Variants in CCDC110 observed in about 807,000 individuals in gnomAD.
The protein encoded by CCDC110 is coiled-coil domain-containing protein 110.
CCDC110 carries 70 observed loss-of-function variants against 77.1 expected under a neutral mutation model. That is an observed-to-expected ratio of 0.91 (90% CI 0.75 to 1.11). CCDC110 has a LOEUF of 1.11. Among genes scored for constraint, CCDC110 ranks in the 50% least tolerant of loss-of-function variants. CCDC110 has a pLI of 0.00. For missense variants in CCDC110, 868 were observed against 942.9 expected, an observed-to-expected ratio of 0.92 and a Z score of 1.04; for synonymous variants, 295 against 312.5, an observed-to-expected ratio of 0.94 and a Z score of 0.59.
chr4:185,462,527 G>C, intron 4 of CCDC110, 116 bp downstream of exon 4: 1 of 748,352 alleles, frequency 1.3e-6, no homozygotes, highest in Non-Finnish European at 2.3e-6. Flanking sequence ...ATATGCTGTG[G>C]CCTCTATTAT....
chr4:185,445,390 T>A lies in CCDC110; in HGVS notation c.*112A>T, dbSNP rs1332572262. ...GTGCATAATTTTTAAAGCAAATATA[T>A]AGCGCCTCATTATGAGTCATTTGAG... is the stretch of plus-strand genomic sequence containing the variant. On this transcript the variant is annotated 3_prime_UTR_variant, in exon 7 of 7. Transcript: ENST00000307588. 4 of 839,136 alleles carry A rather than the reference T, an allele frequency of 4.8e-6. No individual in the cohort carries two copies. In the East Asian group the frequency reaches 9.8e-5, roughly 21 times the overall value. 52.0% of individuals were successfully genotyped at this position (839,136 alleles called of 1,614,324 possible).
In CCDC110 at chr4:185,459,422, T is replaced by C. The variant is rs746135040; in HGVS notation, c.1165A>G (p.Lys389Glu). 6.2e-7 allele frequency: 1 copy of C among 1,612,710 alleles called. No homozygotes were observed. Among genetic ancestry groups the C allele is most frequent in the South Asian group, 1.1e-5 (1 of 90,854 alleles). Residue 389 changes from lysine to glutamate, a missense_variant, in exon 6 of 7, where the codon AAA becomes GAA. Coordinates refer to ENST00000307588, the MANE Select transcript of CCDC110 (RefSeq NM_152775.4). The part of the protein sequence containing the change: ...RYTLSFLDQT[K>E]HEMKDKERQP... The stretch of plus-strand genomic sequence containing the variant: ...CTTTCTTTGTCTTTCATTTCATGTT[T>C]TGTTTGGTCGAGGAAGGACAGTGTG...
chr4:185,460,674 G>A (rs11132307), intron 5 of CCDC110, among the ~76,000 whole-genome samples: 69,074 of 151,962 alleles, frequency 0.45, 16,521 homozygotes, highest in Middle Eastern at 0.57. Context: ...GGAAGTGTGA[G>A]TTCGAGTCAG....
Position 185,460,028 on chromosome 4 carries a change from G to C in CCDC110, c.559C>G (p.Pro187Ala), listed in dbSNP as rs144333334. Residue 187 changes from proline (P) to alanine (A), a missense_variant, in exon 6 of 7, where the codon CCT (proline) becomes GCT (alanine). Physicochemically the swap from Pro to Ala is conservative, Grantham distance 27 (BLOSUM62 -1). Coordinates refer to ENST00000307588, the MANE Select transcript of CCDC110 (RefSeq NM_152775.4). ...DNLSSNIIIHPSENSDILKNY... is the reference protein window; with the variant it reads ...DNLSSNIIIHASENSDILKNY... ...TTCAAGATGTCAGAATTTTCTGAAG[G>C]GTGTATAATTATGTTTGAAGATAAA... is the stretch of plus-strand genomic sequence containing the variant. 6.2e-7 allele frequency: 1 copy of C among 1,612,922 alleles called. No individual in the cohort carries two copies. The highest frequency in any genetic ancestry group is 8.5e-7 in the Non-Finnish European group (1 of 1,179,292).
rs558790135 is a variant in CCDC110 at position 185,464,038 on chromosome 4, A to C, written c.116-989T>G. Reference sequence around the variant, plus strand: ...AGGGGGAGACTCTATCATGTTTGCAAATGCCCTTATATCCCTCTTTGTCTG... The same window carrying C: ...AGGGGGAGACTCTATCATGTTTGCACATGCCCTTATATCCCTCTTTGTCTG... On this transcript the variant is annotated intron_variant, in intron 2 of 6. Coordinates refer to ENST00000307588, the MANE Select transcript of CCDC110 (RefSeq NM_152775.4). Among the ~76,000 whole-genome samples the C allele has an allele frequency of 3.3e-5, 5 of 152,264 alleles. No individual in the cohort carries two copies. In the East Asian group the frequency reaches 9.6e-4, roughly 29 times the overall value.
At chr4:185,448,855 A>G (rs968437610) in intron 6 of CCDC110, among the ~76,000 whole-genome samples, 1 of 145,508 alleles carries the variant, frequency 6.9e-6, no homozygotes, top group African/African-American at 2.7e-5. Flanking sequence ...AAGTTCTATG[A>G]TGCTGTTAGA....
chr4:185,458,918 T>G lies in CCDC110; in HGVS notation c.1669A>C (p.Met557Leu). 1.2e-6 allele frequency: 2 copies of G among 1,608,184 alleles called. No individual in the cohort carries two copies. Among genetic ancestry groups the G allele is most frequent in the Admixed American group, 1.7e-5 (1 of 59,562 alleles). The change falls in exon 6 of 7, where the codon ATG (methionine) becomes CTG (leucine). Residue 557 changes from methionine to leucine, a missense_variant. Transcript: ENST00000307588. ...KSKEHKTQSD[M>L]AIVNNENNRM... ...TTATTTTCATTATTTACAATGGCCA[T>G]ATCACTTTGAGTTTTGTGTTCCTTA...
chr4:185,463,181 T>C (rs2095649550), intron 2 of CCDC110, 132 bp from the exon 3 acceptor site: 3 of 648,094 alleles, frequency 4.6e-6, no homozygotes, highest in Non-Finnish European at 8.1e-6. Context: ...ATATTCACAC[T>C]ATGCTAGTCA....
At chr4:185,463,654 G>A (rs1204315144) in intron 2 of CCDC110, among the ~76,000 whole-genome samples, 2 of 152,214 alleles carry the variant, frequency 1.3e-5, no homozygotes, top group African/African-American at 4.8e-5. Context: ...TGCTGGACTT[G>A]CTACCATGTG....
Position 185,460,179 on chromosome 4 carries a change from G to A in CCDC110, c.408C>T (p.Ser136=), listed in dbSNP as rs1271214855. The change falls in exon 6 of 7, where the codon TCC becomes TCT. Residue 136 remains serine, a synonymous_variant. Coordinates refer to ENST00000307588, the MANE Select transcript of CCDC110 (RefSeq NM_152775.4). ...TTTCTTCCACTGAATGAAGTGTCTT[G>A]GAATCCTCAAAATGATGACTTTTCT... ...SMEKSHHFED[S]KTLHSVEEKL... is the part of the protein sequence containing the mutation. 3 of 1,611,256 alleles carry A rather than the reference G, an allele frequency of 1.9e-6. No homozygotes were observed. Among genetic ancestry groups the A allele is most frequent in the East Asian group, 2.2e-5 (1 of 44,830 alleles).
Position 185,459,478 on chromosome 4 carries a change from T to C in CCDC110, c.1109A>G (p.Asp370Gly), listed in dbSNP as rs1385107740. The C allele has an allele frequency of 2.5e-6, 4 of 1,613,606 alleles. No individual in the cohort carries two copies. In the African/African-American group the frequency reaches 5.3e-5, roughly 22 times the overall value. ...TGGAACTCTGGAATGGAATTTTAAATCTGTAATATTTTTGCCAGTGATGGG... is the reference window on the plus strand; with the variant it reads ...TGGAACTCTGGAATGGAATTTTAAACCTGTAATATTTTTGCCAGTGATGGG... Reference protein sequence around the residue: ...EIPITGKNITDLKFHSRVPRY... With the variant: ...EIPITGKNITGLKFHSRVPRY... Residue 370 changes from aspartate to glycine, a missense_variant, in exon 6 of 7, where the codon GAT (aspartate) becomes GGT (glycine). Coordinates refer to ENST00000307588, the MANE Select transcript of CCDC110 (RefSeq NM_152775.4).
intron 6 of CCDC110, among the ~76,000 whole-genome samples, chr4:185,454,722 A>G (rs1466350640): frequency 6.6e-6 from 1 of 152,106 alleles, no homozygotes; most frequent in African/African-American, 2.4e-5. Flanking sequence ...TCAAAAAAAT[A>G]AAAAAGAAAG....
intron 6 of CCDC110, chr4:185,457,331 T>A (rs1284329930): frequency 2.2e-6 from 1 of 456,036 alleles, no homozygotes; most frequent in South Asian, 1.6e-5. Flanking sequence ...TGTTTCCACC[T>A]ACAGGAAAGG....
chr4:185,458,626 G>T lies in CCDC110; in HGVS notation c.1961C>A (p.Ala654Asp). ...AATTTCTCTTTCCATAATTTGTCTG[G>T]CAGCAGTAGATTCTTGTAATGTTGT... is the stretch of plus-strand genomic sequence containing the variant. ...LETTLQESTA[A>D]RQIMEREIEN... Residue 654 changes from alanine to aspartate, a missense_variant, in exon 6 of 7, where the codon GCC (alanine) becomes GAC (aspartate). Transcript: ENST00000307588. 1 of 1,608,266 alleles carries T rather than the reference G, an allele frequency of 6.2e-7. No homozygotes were observed.
At position 185,459,446 on chromosome 4, in the gene CCDC110, T is replaced by G. The variant is rs769056167; in HGVS notation, c.1141A>C (p.Thr381Pro). The change falls in exon 6 of 7, where the codon ACA (threonine) becomes CCA (proline). Residue 381 changes from threonine to proline, a missense_variant. Transcript: ENST00000307588. Reference sequence around the variant, plus strand: ...TTTGTTTGGTCGAGGAAGGACAGTGTGTATCTTGGAACTCTGGAATGGAAT... The same window carrying G: ...TTTGTTTGGTCGAGGAAGGACAGTGGGTATCTTGGAACTCTGGAATGGAAT... The part of the protein sequence containing the change: ...LKFHSRVPRY[T>P]LSFLDQTKHE... 2 of 1,613,452 alleles carry G rather than the reference T, an allele frequency of 1.2e-6. No homozygotes were observed. The highest frequency in any genetic ancestry group is 2.2e-5 in the South Asian group (2 of 91,048).
chr4:185,466,243 C>T (rs1437818688), intron 2 of CCDC110, among the ~76,000 whole-genome samples: 1 of 152,022 alleles, frequency 6.6e-6, no homozygotes, highest in African/African-American at 2.4e-5. Context: ...GGTGTGGTGG[C>T]ATGTGCCTGT....
At chr4:185,457,389 C>G (rs2095637473) in intron 6 of CCDC110, 6 of 447,000 alleles carry the variant, frequency 1.3e-5, no homozygotes, top group South Asian at 9.8e-5. Flanking sequence ...TAAGCTCACT[C>G]TCTCCTGTAA....
chr4:185,456,642 G>C (rs1353961156), intron 6 of CCDC110, among the ~76,000 whole-genome samples: 2 of 152,086 alleles, frequency 1.3e-5, no homozygotes, highest in African/African-American at 2.4e-5. Context: ...ATACATTTGA[G>C]AACTTACATG....
chr4:185,447,725 C>T (rs1439928953), intron 6 of CCDC110, among the ~76,000 whole-genome samples: 1 of 152,094 alleles, frequency 6.6e-6, no homozygotes, highest in Non-Finnish European at 1.5e-5. Flanking sequence ...AGTATCACTG[C>T]AATTAACTGG....
Sources: allele counts gnomAD v4.1 joint callset (sites outside exome capture counted in the v4.1 genomes callset), GRCh38; gene constraint gnomAD v4.1.1; transcripts MANE v1.5; gene names NCBI Gene and HGNC (gene_info 2026-07-23, HGNC 2026-07-21).